The following DTNB variants were observed in gnomAD, a reference collection of about 807,000 sequenced individuals.
DTNB encodes the protein dystrobrevin beta.
A neutral mutation model predicts 90.7 loss-of-function variants in DTNB; 63 were observed. That is an observed-to-expected ratio of 0.69 (90% CI 0.57 to 0.86). The LOEUF (loss-of-function observed/expected upper bound fraction) is 0.86. Among genes scored for constraint, DTNB ranks in the 40% least tolerant of loss-of-function variants. The probability of loss-of-function intolerance (pLI) is 0.00; values close to 1 mark genes in which losing one functional copy is unlikely to be tolerated. For missense variants in DTNB, 744 were observed against 807.1 expected, an observed-to-expected ratio of 0.92 and a Z score of 0.95; for synonymous variants, 277 against 286.7, an observed-to-expected ratio of 0.97 and a Z score of 0.34.
At chr2:25,506,294 G>T (rs1230249891) in intron 9 of DTNB, among the ~76,000 whole-genome samples, 1 of 152,046 alleles carries the variant, frequency 6.6e-6, no homozygotes, top group Non-Finnish European at 1.5e-5. Flanking sequence ...AAGAGAACTT[G>T]AAATGTTCCC....
intron 3 of DTNB, among the ~76,000 whole-genome samples, chr2:25,634,450 G>C (rs1407567644): frequency 8.7e-5 from 13 of 148,960 alleles, no homozygotes; most frequent in African/African-American, 2.9e-4. Flanking sequence ...TCAGCCCCCC[G>C]CCCGGCCAGT....
intron 8 of DTNB, among the ~76,000 whole-genome samples, chr2:25,538,983 T>A (rs954800864): frequency 6.6e-6 from 1 of 152,222 alleles, no homozygotes; most frequent in East Asian, 1.9e-4. Context: ...TTTAGATATG[T>A]ATAAAACCTG....
At chr2:25,401,775 A>G (rs2043786297) in intron 16 of DTNB, among the ~76,000 whole-genome samples, 2 of 152,338 alleles carry the variant, frequency 1.3e-5, no homozygotes, top group Middle Eastern at 3.4e-3. Flanking sequence ...CGCACACGCA[A>G]CTACAACTTG....
At chr2:25,638,869 C>T in intron 3 of DTNB, 145 bp downstream of exon 3, 1 of 730,158 alleles carries the variant, frequency 1.4e-6, no homozygotes, top group East Asian at 3.2e-5. Flanking sequence ...ATGACAAGTT[C>T]TTCCATTACA....
At position 25,424,988 on chromosome 2, in the gene DTNB, A is replaced by G. The variant is rs1262324979; in HGVS notation, c.1554+2547T>C. Reference sequence around the variant, plus strand: ...GATACCCTATTATCTCCCATCCCACAGGTGTACTAACTCCATGGCAGCAGG... The same window carrying G: ...GATACCCTATTATCTCCCATCCCACGGGTGTACTAACTCCATGGCAGCAGG... On this transcript the variant is annotated intron_variant, in intron 15 of 20. Coordinates refer to ENST00000406818, the MANE Select transcript of DTNB (RefSeq NM_021907.5). The surrounding 1 kb of genome is among the most constrained non-coding windows in gnomAD (Gnocchi z 4.1). Among the ~76,000 whole-genome samples, 1 of 152,144 alleles carries G rather than the reference A, an allele frequency of 6.6e-6. No homozygotes were observed. Among genetic ancestry groups the G allele is most frequent in the Non-Finnish European group, 1.5e-5 (1 of 68,020 alleles).
chr2:25,535,700 A>G (rs2079468904), intron 8 of DTNB, among the ~76,000 whole-genome samples: 1 of 130,446 alleles, frequency 7.7e-6, no homozygotes, highest in Admixed American at 7.9e-5. Flanking sequence ...GGCCAGGCAG[A>G]GGCGCTCCTC....
chr2:25,572,467 C>CAA (rs373866980), intron 8 of DTNB, among the ~76,000 whole-genome samples: 10 of 102,230 alleles, frequency 9.8e-5, no homozygotes, highest in Non-Finnish European at 1.2e-4. Flanking sequence ...ACTCCATCGC[C>CAA]AAAAAAAAAA....
chr2:25,481,256 T>C (rs1377200563), intron 10 of DTNB, among the ~76,000 whole-genome samples: 22 of 150,784 alleles, frequency 1.5e-4, no homozygotes, highest in Admixed American at 1.5e-3. Context: ...AATACAAAAA[T>C]TAGCTAGGTA....
intron 15 of DTNB, 56 bp from the exon 16 acceptor site, chr2:25,419,591 C>A: frequency 6.5e-7 from 1 of 1,536,672 alleles, no homozygotes. Flanking sequence ...GAAATTAATG[C>A]CCATTAATGC....
intron 4 of DTNB, among the ~76,000 whole-genome samples, chr2:25,620,653 A>G (rs1450418684): frequency 6.6e-6 from 1 of 152,174 alleles, no homozygotes; most frequent in Non-Finnish European, 1.5e-5. Flanking sequence ...TTGGAAGAAA[A>G]GCTACAAGAT....
intron 16 of DTNB, among the ~76,000 whole-genome samples, chr2:25,410,267 G>T (rs867236965): frequency 6.6e-6 from 1 of 152,010 alleles, no homozygotes; most frequent in African/African-American, 2.4e-5. Context: ...CAGAAATATA[G>T]TACAGGAGGG....
At chr2:25,593,052 T>C (rs1342726698) in intron 6 of DTNB, among the ~76,000 whole-genome samples, 1 of 152,122 alleles carries the variant, frequency 6.6e-6, no homozygotes, top group Non-Finnish European at 1.5e-5. Flanking sequence ...AGGCAAAACG[T>C]CTTCACAGCC....
At chr2:25,634,092 C>G (rs1350306620) in intron 3 of DTNB, among the ~76,000 whole-genome samples, 3 of 151,746 alleles carry the variant, frequency 2.0e-5, no homozygotes, top group Admixed American at 6.6e-5. Context: ...GCCAGCCGCC[C>G]CGTCCGGGAG....
chr2:25,576,162 G>A (rs2060611903), intron 8 of DTNB, among the ~76,000 whole-genome samples: 1 of 149,474 alleles, frequency 6.7e-6, no homozygotes, highest in Non-Finnish European at 1.5e-5. Flanking sequence ...AGAACTTTAA[G>A]TCTTACTTAG....
intron 4 of DTNB, among the ~76,000 whole-genome samples, chr2:25,609,540 G>A (rs1199099066): frequency 6.6e-6 from 1 of 150,994 alleles, no homozygotes; most frequent in Non-Finnish European, 1.5e-5. Context: ...GGAGGTTGCA[G>A]TGAGCTGAGA....
intron 18 of DTNB, among the ~76,000 whole-genome samples, chr2:25,384,787 A>G (rs2038985750): frequency 6.6e-6 from 1 of 152,160 alleles, no homozygotes; most frequent in African/African-American, 2.4e-5. Context: ...GTTGATCATG[A>G]ATGAGCTCGC....
At chr2:25,435,122 C>A (rs942076177) in intron 12 of DTNB, among the ~76,000 whole-genome samples, 12 of 152,158 alleles carry the variant, frequency 7.9e-5, no homozygotes, top group African/African-American at 2.7e-4. Context: ...CGAGTTCAAG[C>A]AATTCTCCTG....
chr2:25,537,650 G>A (rs907768117), intron 8 of DTNB, among the ~76,000 whole-genome samples: 2 of 152,206 alleles, frequency 1.3e-5, no homozygotes, highest in Admixed American at 6.5e-5. Context: ...ACTTGGACCT[G>A]AAGTGAATTT....
intron 8 of DTNB, among the ~76,000 whole-genome samples, chr2:25,572,424 G>A (rs1320328241): frequency 7.4e-5 from 11 of 149,240 alleles, no homozygotes; most frequent in South Asian, 2.1e-4. Flanking sequence ...CCGAGATCGC[G>A]CCACTGCACT....
Sources: gnomAD v4.1 joint callset for allele counts (sites outside exome capture counted in the v4.1 genomes callset) on GRCh38, gnomAD v4.1.1 for gene constraint, Gnocchi (gnomAD v3.1) non-coding constraint, MANE v1.5 for transcripts, NCBI Gene and HGNC (gene_info 2026-07-23, HGNC 2026-07-21) for gene names.